Variants in EPC2 observed in about 807,000 individuals in gnomAD.
EPC2 encodes enhancer of polycomb 2.
Under a neutral mutation model 92.1 loss-of-function variants are expected in EPC2, and 14 were observed. The ratio of observed to expected loss-of-function variants is 0.15; its 90% CI spans 0.10 to 0.24. EPC2 has a LOEUF of 0.24. Ranked by LOEUF, EPC2 falls within the 10% of genes least tolerant of loss-of-function variation. The pLI, the probability that EPC2 is intolerant of heterozygous loss-of-function variation, is 1.00. For synonymous variants in EPC2, 340 were observed against 334.7 expected (o/e 1.02, Z -0.17); for missense variants, 755 against 971.5 (o/e 0.78, Z 2.96).
chr2:148,771,764 T>C (rs1683524484), intron 10 of EPC2, among the ~76,000 whole-genome samples: 1 of 152,220 alleles, frequency 6.6e-6, no homozygotes, highest in East Asian at 1.9e-4. Flanking sequence ...TTGAAAACTC[T>C]TGCTGAAAAA....
chr2:148,692,738 A>G (rs1319758267), intron 2 of EPC2: 2 of 152,172 alleles, frequency 1.3e-5, no homozygotes, highest in African/African-American at 4.8e-5. Context: ...AGGCAGGAAG[A>G]CCATTTGTAA....
intron 2 of EPC2, among the ~76,000 whole-genome samples, chr2:148,728,859 C>T (rs1210394806): frequency 2.6e-4 from 40 of 151,066 alleles, no homozygotes; most frequent in African/African-American, 8.5e-4. Flanking sequence ...AGTGAAACCC[C>T]GTCTCTACTA....
At chr2:148,678,667 G>A (rs1428327144) in intron 1 of EPC2, among the ~76,000 whole-genome samples, 1 of 152,250 alleles carries the variant, frequency 6.6e-6, no homozygotes. Context: ...CATTGCCTGG[G>A]GCCGGCTGCT....
intron 2 of EPC2, among the ~76,000 whole-genome samples, chr2:148,736,477 G>A (rs1488735767): frequency 2.0e-5 from 3 of 152,050 alleles, no homozygotes; most frequent in African/African-American, 7.3e-5. Flanking sequence ...CTTTTAGTGG[G>A]AAATTGTATT....
At chr2:148,760,972 TAAAC>T (rs1683292476) in intron 4 of EPC2, among the ~76,000 whole-genome samples, 1 of 152,192 alleles carries the variant, frequency 6.6e-6, no homozygotes, top group Admixed American at 6.5e-5. Context: ...GGTCTATTTT[TAAAC>T]AAATAGTTCC....
At chr2:148,670,331 T>C (rs968962675) in intron 1 of EPC2, among the ~76,000 whole-genome samples, 22 of 151,852 alleles carry the variant, frequency 1.4e-4, no homozygotes, top group African/African-American at 4.1e-4. Context: ...ATTTGGTCCA[T>C]GTTAACTCTT....
chr2:148,780,144 A>G (rs911662176), intron 10 of EPC2, among the ~76,000 whole-genome samples: 12 of 152,232 alleles, frequency 7.9e-5, no homozygotes, highest in African/African-American at 2.7e-4. Context: ...GTAATTCAGT[A>G]AGATAACTAA....
At chr2:148,680,606 G>A (rs1295577439) in intron 1 of EPC2, among the ~76,000 whole-genome samples, 1 of 152,188 alleles carries the variant, frequency 6.6e-6, no homozygotes, top group Admixed American at 6.5e-5. Flanking sequence ...TGAAATATTT[G>A]TTGAGCCAAC....
Position 148,769,167 on chromosome 2 carries a change from C to T in EPC2, c.1157C>T (p.Ser386Leu), listed in dbSNP as rs1475845476. 3.1e-6 allele frequency: 5 copies of T among 1,612,258 alleles called. No individual in the cohort carries two copies. The highest frequency in any genetic ancestry group is 4.2e-6 in the Non-Finnish European group (5 of 1,179,138). Residue 386 changes from serine (S) to leucine (L), a missense_variant, in exon 8 of 14, where the codon TCA becomes TTA. By Grantham distance (145) the Ser-to-Leu change is moderately radical (BLOSUM62 -2). This residue lies in a region of EPC2 where 509 missense variants were observed against 607.7 expected (regional missense o/e 0.84). Coordinates refer to ENST00000258484, the MANE Select transcript of EPC2 (RefSeq NM_015630.4). ...TTTGTCTAGGTATTGTCCCCAGTAT[C>T]AGAACCGGAAGAAGAAAATGATCCT... ...DEFPQVLSPV[S>L]EPEEENDPDG...
At chr2:148,699,609 T>G (rs1042164132) in intron 2 of EPC2, among the ~76,000 whole-genome samples, 2 of 152,232 alleles carry the variant, frequency 1.3e-5, no homozygotes, top group Non-Finnish European at 2.9e-5. Flanking sequence ...TAATGTTTTA[T>G]TATATGGCTA....
At chr2:148,697,868 A>G (rs1358713076) in intron 2 of EPC2, among the ~76,000 whole-genome samples, 3 of 152,206 alleles carry the variant, frequency 2.0e-5, no homozygotes, top group African/African-American at 7.2e-5. Context: ...TTTGAAAATA[A>G]TTCCACAATT....
At chr2:148,723,309 G>GTATT (rs1682421685) in intron 2 of EPC2, among the ~76,000 whole-genome samples, 1 of 152,158 alleles carries the variant, frequency 6.6e-6, no homozygotes, top group Admixed American at 6.5e-5. Flanking sequence ...TTTTCCCTAA[G>GTATT]TATTCACTGT....
chr2:148,703,326 G>GT lies in EPC2; in HGVS notation c.313+12962dup, dbSNP rs1553445457. 5.0e-4 allele frequency among the ~76,000 whole-genome samples: 75 copies of GT among 151,430 alleles called. 2 individuals are homozygous for GT. Among genetic ancestry groups the GT allele is most frequent in the Middle Eastern group, 6.8e-3 (2 of 294 alleles). ...TGTCAGTTTATTAGATTATAGTGCA[G>GT]TTTTTTTTTAAAAAGTATGTTCTGG... On this transcript the variant is annotated intron_variant, in intron 2 of 13. Coordinates refer to ENST00000258484, the MANE Select transcript of EPC2 (RefSeq NM_015630.4).
chr2:148,784,686 A>G lies in EPC2; in HGVS notation c.2036A>G (p.Tyr679Cys), dbSNP rs376761816. The change falls in exon 13 of 14, where the codon TAC (tyrosine) becomes TGC (cysteine). Residue 679 changes from tyrosine (Y) to cysteine (C), a missense_variant. Transcript: ENST00000258484. ...VQPSGTSKTL[Y>C]STNMALSSSP... The stretch of plus-strand genomic sequence containing the variant: ...TTTTCAGGAACCTCTAAAACATTAT[A>G]CTCCACCAATATGGCTTTATCATCC... 19 of 1,608,498 alleles carry G rather than the reference A, an allele frequency of 1.2e-5. No individual in the cohort carries two copies. The highest frequency in any genetic ancestry group is 1.5e-5 in the Non-Finnish European group (18 of 1,177,282).
intron 10 of EPC2, among the ~76,000 whole-genome samples, chr2:148,779,590 CTG>C (rs1683709944): frequency 6.6e-6 from 1 of 152,160 alleles, no homozygotes. Flanking sequence ...CTCCAAAAAA[CTG>C]TTCCTTCTAC....
At chr2:148,667,420 G>C (rs116189793) in intron 1 of EPC2, among the ~76,000 whole-genome samples, 1 of 152,100 alleles carries the variant, frequency 6.6e-6, no homozygotes, top group Non-Finnish European at 1.5e-5. Context: ...TCAGTGTCCT[G>C]TTGTTTGTAA....
rs750071319 is a variant in EPC2 at position 148,785,005 on chromosome 2, T to C, written c.2351+4T>C. The C allele has an allele frequency of 4.0e-6, 6 of 1,489,728 alleles. No individual in the cohort carries two copies. The highest frequency in any genetic ancestry group is 5.4e-6 in the Non-Finnish European group (6 of 1,119,824). 92.3% of individuals were successfully genotyped at this position (1,489,728 alleles called of 1,614,324 possible). The stretch of plus-strand genomic sequence containing the variant: ...GTGCCATCAGCAGCATAGCAAGGTG[T>C]GTGTGTGTGTTTCAGTGATTTTTCT... On this transcript the variant is annotated splice_donor_region_variant and intron_variant, in intron 13 of 13. Transcript: ENST00000258484.
chr2:148,750,189 A>G (rs1371546086), intron 3 of EPC2, among the ~76,000 whole-genome samples: 1 of 152,110 alleles, frequency 6.6e-6, no homozygotes, highest in Non-Finnish European at 1.5e-5. Flanking sequence ...TCAGAAAACT[A>G]TAGTGGAAAA....
intron 1 of EPC2, among the ~76,000 whole-genome samples, chr2:148,668,041 G>C (rs561968261): frequency 6.6e-6 from 1 of 152,048 alleles, no homozygotes; most frequent in Admixed American, 6.5e-5. Flanking sequence ...TGGGACTACA[G>C]GCACACGCCA....
Sources: gnomAD v4.1 joint callset for allele counts (sites outside exome capture counted in the v4.1 genomes callset) on GRCh38, gnomAD v4.1.1 for gene constraint, gnomAD v4.1.1 regional missense constraint, MANE v1.5 for transcripts, NCBI Gene and HGNC (gene_info 2026-07-23, HGNC 2026-07-21) for gene names.